The following LRRC37A2 variants were observed in gnomAD, a reference collection of about 807,000 sequenced individuals.
LRRC37A2 encodes the protein leucine-rich repeat-containing protein 37A2.
In LRRC37A2, 9 loss-of-function variants were observed where a neutral mutation model predicts 68.8. The ratio of observed to expected loss-of-function variants is 0.13; its 90% CI spans 0.08 to 0.23. The LOEUF (loss-of-function observed/expected upper bound fraction) is 0.23. Among genes scored for constraint, LRRC37A2 ranks in the 10% least tolerant of loss-of-function variants. LRRC37A2 has a pLI of 1.00. For synonymous variants in LRRC37A2, 63 were observed against 367.6 expected, an observed-to-expected ratio of 0.17 and a Z score of 9.48; for missense variants, 168 against 950.4, an observed-to-expected ratio of 0.18 and a Z score of 10.82.
chr17:46,911,106 GC>G, the LRRC37A2 span, among the ~76,000 whole-genome samples: 2 of 152,322 alleles, frequency 1.3e-5, no homozygotes, highest in East Asian at 1.9e-4. Flanking sequence ...AAAATGGAAA[GC>G]CCTTTCATGC....
the LRRC37A2 span, among the ~76,000 whole-genome samples, chr17:46,657,972 T>TA: frequency 4.3e-3 from 69 of 16,064 alleles, 15 homozygotes; most frequent in East Asian, 0.034. Context: ...TTTTATTTAT[T>TA]TTTTTTTTTT....
the LRRC37A2 span, chr17:46,728,905 C>T: frequency 6.2e-7 from 1 of 1,607,664 alleles, no homozygotes; most frequent in African/African-American, 1.3e-5. Flanking sequence ...ACAGGCTCTT[C>T]TCGTTTTACT....
At chr17:46,979,814 CAT>C in the LRRC37A2 span, among the ~76,000 whole-genome samples, 1 of 151,502 alleles carries the variant, frequency 6.6e-6, no homozygotes. Context: ...TTTACACAAA[CAT>C]AGTCATTGTA....
chr17:46,906,511 C>T, the LRRC37A2 span, among the ~76,000 whole-genome samples: 1 of 152,208 alleles, frequency 6.6e-6, no homozygotes, highest in Non-Finnish European at 1.5e-5. Context: ...CCTTCAACAC[C>T]TGGAGTCAAG....
At chr17:46,548,275 T>C (rs2056406076) in intron 9 of LRRC37A2, 37 bp from the exon 9 acceptor site, 2 of 392,898 alleles carry the variant, frequency 5.1e-6, no homozygotes, top group Non-Finnish European at 4.1e-6. Context: ...CATCCCATCA[T>C]CTTTCATGAT....
the LRRC37A2 span, among the ~76,000 whole-genome samples, chr17:46,918,451 C>T: frequency 6.6e-6 from 1 of 152,118 alleles, no homozygotes; most frequent in East Asian, 1.9e-4. Flanking sequence ...CTCCACAAAA[C>T]CTAGATACAG....
At chr17:46,870,904 C>CTTTTTTGTTTTTTTTTTTTTTTTTTTT in the LRRC37A2 span, among the ~76,000 whole-genome samples, 1 of 78,396 alleles carries the variant, frequency 1.3e-5, no homozygotes, top group African/African-American at 5.0e-5. Flanking sequence ...TCCACCTTTG[C>CTTTTTTGTTTTTTTTTTTTTTTTTTTT]TTTTTTTTTT....
chr17:46,795,895 T>C, the LRRC37A2 span, among the ~76,000 whole-genome samples: 30,701 of 152,002 alleles, frequency 0.2, 3,551 homozygotes, highest in East Asian at 0.33. Context: ...CACACACACA[T>C]GCATGCACGC....
the LRRC37A2 span, chr17:46,940,948 ACTCT>A: frequency 2.6e-5 from 32 of 1,250,848 alleles, no homozygotes; most frequent in African/African-American, 1.1e-4. Flanking sequence ...TAACAGTGTG[ACTCT>A]CTCCACCGCC....
the LRRC37A2 span, chr17:46,942,074 C>T: frequency 2.4e-6 from 1 of 421,018 alleles, no homozygotes; most frequent in African/African-American, 2.1e-5. Flanking sequence ...GAAACAGATA[C>T]AAAGAAGTGA....
the LRRC37A2 span, among the ~76,000 whole-genome samples, chr17:46,942,724 A>G: frequency 2.8e-4 from 42 of 152,214 alleles, no homozygotes; most frequent in Non-Finnish European, 1.2e-4. Flanking sequence ...GCATAGCCCT[A>G]TCTGTGGCTA....
chr17:46,719,994 T>A, the LRRC37A2 span, among the ~76,000 whole-genome samples: 3 of 152,230 alleles, frequency 2.0e-5, no homozygotes, highest in African/African-American at 2.4e-5. The surrounding 1 kb of genome is among the most constrained non-coding windows in gnomAD (Gnocchi z 4.3). Flanking sequence ...AGAAATAATC[T>A]TCTTTGAATA....
chr17:46,759,316 A>G, the LRRC37A2 span, among the ~76,000 whole-genome samples: 1 of 152,238 alleles, frequency 6.6e-6, no homozygotes, highest in Non-Finnish European at 1.5e-5. Flanking sequence ...GGCAAGCCGT[A>G]CTGAGACTGG....
the LRRC37A2 span, among the ~76,000 whole-genome samples, chr17:46,828,153 T>C: frequency 3.9e-5 from 6 of 152,088 alleles, no homozygotes; most frequent in East Asian, 9.7e-4. Flanking sequence ...TCTTTTCTCT[T>C]TTCCTTTCTC....
At chr17:46,809,870 C>G in the LRRC37A2 span, among the ~76,000 whole-genome samples, 1 of 152,172 alleles carries the variant, frequency 6.6e-6, no homozygotes, top group Admixed American at 6.5e-5. Flanking sequence ...GAGGACTCCC[C>G]TGTCCAGCCC....
the LRRC37A2 span, among the ~76,000 whole-genome samples, chr17:46,770,752 C>CAGGG: frequency 6.6e-6 from 1 of 152,216 alleles, no homozygotes; most frequent in Admixed American, 6.5e-5. Context: ...GGTTCTGTCC[C>CAGGG]AGGGTCCAGC....
the LRRC37A2 span, chr17:47,018,164 G>T: frequency 6.3e-7 from 1 of 1,594,040 alleles, no homozygotes; most frequent in Non-Finnish European, 8.6e-7. Context: ...CCCAGCAGGA[G>T]ACCCCAATTC....
chr17:46,500,811 A>G, the LRRC37A2 span, among the ~76,000 whole-genome samples: 1 of 151,130 alleles, frequency 6.6e-6, no homozygotes, highest in Non-Finnish European at 1.5e-5. Flanking sequence ...CTTAGGGGAA[A>G]TAACCTATCA....
the LRRC37A2 span, among the ~76,000 whole-genome samples, chr17:46,881,340 A>G: frequency 2.6e-5 from 4 of 152,266 alleles, no homozygotes; most frequent in African/African-American, 7.2e-5. Flanking sequence ...CCTGGAGACC[A>G]GCTGGCTCTG....
Sources: gnomAD v4.1 joint callset for allele counts (sites outside exome capture counted in the v4.1 genomes callset) on GRCh38, gnomAD v4.1.1 for gene constraint, Gnocchi (gnomAD v3.1) non-coding constraint, MANE v1.5 for transcripts, NCBI Gene and HGNC (gene_info 2026-07-23, HGNC 2026-07-21) for gene names.